Variants in PPP4R4 observed in about 807,000 individuals in gnomAD.
PPP4R4 encodes the protein serine/threonine-protein phosphatase 4 regulatory subunit 4.
Under a neutral mutation model 121.8 loss-of-function variants are expected in PPP4R4, and 70 were observed. That is an observed-to-expected ratio of 0.57 (90% CI 0.47 to 0.70). The LOEUF is 0.70. Ranked by LOEUF, PPP4R4 falls within the 30% of genes least tolerant of loss-of-function variation. The pLI, the probability that PPP4R4 is intolerant of heterozygous loss-of-function variation, is 0.00. For missense variants in PPP4R4, 875 were observed against 1,033.6 expected (o/e 0.85, Z 2.10); for synonymous variants, 348 against 355.7 (o/e 0.98, Z 0.24).
chr14:94,240,152 A>T (rs1028255024), intron 8 of PPP4R4, among the ~76,000 whole-genome samples: 2 of 152,206 alleles, frequency 1.3e-5, no homozygotes, highest in African/African-American at 4.8e-5. Flanking sequence ...CAAATAATTG[A>T]TTAATTTTTT....
Position 94,245,608 on chromosome 14 carries a change from C to A in PPP4R4, c.1366C>A (p.His456Asn). 1.3e-6 allele frequency: 2 copies of A among 1,592,838 alleles called. No individual in the cohort carries two copies. Among genetic ancestry groups the A allele is most frequent in the Non-Finnish European group, 1.7e-6 (2 of 1,163,022 alleles). ...AAAGGTACTAGATGCTCTTATAGAT[C>A]ATCTTCCAGAAATCTTGGAACTTAT... is the stretch of plus-strand genomic sequence containing the variant. ...SLEVLDALID[H>N]LPEILELMST... Residue 456 changes from histidine (H) to asparagine (N), a missense_variant, in exon 13 of 25, where the codon CAT becomes AAT. Coordinates refer to ENST00000304338, the MANE Select transcript of PPP4R4 (RefSeq NM_058237.2).
chr14:94,250,365 G>A (rs530987454), intron 15 of PPP4R4, 88 bp downstream of exon 15: 36 of 842,302 alleles, frequency 4.3e-5, no homozygotes, highest in Middle Eastern at 6.6e-4. Context: ...TCATTTTGCT[G>A]TGAATAATTA....
chr14:94,199,064 C>A (rs987446218), intron 2 of PPP4R4, among the ~76,000 whole-genome samples: 15 of 152,130 alleles, frequency 9.9e-5, no homozygotes, highest in African/African-American at 3.6e-4. Flanking sequence ...CTGCAGAAAG[C>A]CTACTGGGTT....
At chr14:94,240,567 C>T in intron 8 of PPP4R4, 106 bp from the exon 9 acceptor site, 2 of 1,216,348 alleles carry the variant, frequency 1.6e-6, no homozygotes, top group Non-Finnish European at 2.3e-6. Flanking sequence ...TACTATGAGG[C>T]TAACATAGTA....
Position 94,246,492 on chromosome 14 carries a change from A to G in PPP4R4, c.1564A>G (p.Ile522Val). The change falls in exon 14 of 25, where the codon ATT (isoleucine) becomes GTT (valine). Residue 522 changes from isoleucine to valine, a missense_variant. Physicochemically the swap from Ile to Val is conservative, Grantham distance 29 (BLOSUM62 3). Coordinates refer to ENST00000304338, the MANE Select transcript of PPP4R4 (RefSeq NM_058237.2). ...CLPHVISSDQIYYRFLQRMFT... is the reference protein window; with the variant it reads ...CLPHVISSDQVYYRFLQRMFT... ...GCCACATGTCATATCAAGCGATCAG[A>G]TTTATTACCGTTTCTTACAAAGAAT... 2 of 1,614,038 alleles carry G rather than the reference A, an allele frequency of 1.2e-6. No homozygotes were observed. The highest frequency in any genetic ancestry group is 1.7e-6 in the Non-Finnish European group (2 of 1,179,936).
At chr14:94,216,897 G>A (rs955008240) in intron 3 of PPP4R4, among the ~76,000 whole-genome samples, 1 of 152,156 alleles carries the variant, frequency 6.6e-6, no homozygotes, top group Admixed American at 6.5e-5. Flanking sequence ...GGGGCTGGGT[G>A]TGGAAGGCAG....
At chr14:94,238,028 A>G (rs913255987) in intron 8 of PPP4R4, among the ~76,000 whole-genome samples, 3 of 152,238 alleles carry the variant, frequency 2.0e-5, no homozygotes, top group Non-Finnish European at 4.4e-5. Context: ...AATCTGGCAG[A>G]GAAGTGGAAG....
intron 2 of PPP4R4, among the ~76,000 whole-genome samples, chr14:94,201,062 A>G (rs1376060168): frequency 6.6e-6 from 1 of 152,128 alleles, no homozygotes. Context: ...TTTAATTTCC[A>G]TCTTGATTTC....
chr14:94,266,843 C>T (rs1229458522), intron 22 of PPP4R4, 116 bp from the exon 23 acceptor site: 5 of 667,990 alleles, frequency 7.5e-6, no homozygotes, highest in East Asian at 3.0e-5. Context: ...AAGCAACAAA[C>T]GTTTCATAAG....
At chr14:94,229,814 C>T (rs538177434) in intron 3 of PPP4R4, among the ~76,000 whole-genome samples, 8 of 152,136 alleles carry the variant, frequency 5.3e-5, no homozygotes, top group African/African-American at 1.9e-4. Context: ...CTTCTTGTTG[C>T]CTTTACATTA....
chr14:94,207,764 A>G (rs1359020829), intron 2 of PPP4R4, among the ~76,000 whole-genome samples: 2 of 151,818 alleles, frequency 1.3e-5, no homozygotes, highest in Non-Finnish European at 2.9e-5. Context: ...CACTTTGGTT[A>G]TATTTGAAAA....
chr14:94,229,882 T>C (rs2049962646), intron 3 of PPP4R4, among the ~76,000 whole-genome samples: 2 of 152,156 alleles, frequency 1.3e-5, no homozygotes, highest in Admixed American at 1.3e-4. Context: ...AGAAGTACAG[T>C]AATATCTTTG....
chr14:94,215,264 A>T (rs1324334850), intron 3 of PPP4R4, among the ~76,000 whole-genome samples: 1 of 152,212 alleles, frequency 6.6e-6, no homozygotes, highest in East Asian at 1.9e-4. Context: ...TGAATATTTT[A>T]TTGGGAGATT....
At chr14:94,237,515 G>C (rs1372868473) in intron 7 of PPP4R4, 50 bp from the exon 8 acceptor site, 1 of 1,547,632 alleles carries the variant, frequency 6.5e-7, no homozygotes, top group South Asian at 1.2e-5. Context: ...GTAAGTTCCT[G>C]CTACACATTT....
intron 1 of PPP4R4, chr14:94,175,832 C>G (rs1888650140): frequency 5.4e-6 from 3 of 554,484 alleles, no homozygotes; most frequent in Non-Finnish European, 3.2e-6. Context: ...AGGATAAAAA[C>G]AGAAAAATAC....
At chr14:94,256,787 G>A (rs940682812) in intron 17 of PPP4R4, among the ~76,000 whole-genome samples, 183 bp downstream of exon 17, 1 of 152,070 alleles carries the variant, frequency 6.6e-6, no homozygotes, top group Non-Finnish European at 1.5e-5. Context: ...CTTTCGAAGG[G>A]CACCTAGACA....
Position 94,208,537 on chromosome 14 carries a change from A to T in PPP4R4, c.265A>T (p.Thr89Ser). The change falls in exon 3 of 25, where the codon ACG (threonine) becomes TCG (serine). Residue 89 changes from threonine (T) to serine (S), a missense_variant. Thr to Ser is a moderately conservative substitution (Grantham distance 58, BLOSUM62 1). Coordinates refer to ENST00000304338, the MANE Select transcript of PPP4R4 (RefSeq NM_058237.2). ...TTTGATGCGACAGAATCCCACTGAG[A>T]CGCTTCGGAGAGTGTTGCCAAAAGT... ...PFLMRQNPTE[T>S]LRRVLPKVRE... The T allele has an allele frequency of 1.9e-6, 3 of 1,611,242 alleles. No homozygotes were observed. The highest frequency in any genetic ancestry group is 2.5e-6 in the Non-Finnish European group (3 of 1,177,914).
intron 18 of PPP4R4, among the ~76,000 whole-genome samples, chr14:94,259,051 A>C (rs775161751): frequency 9.9e-5 from 15 of 152,126 alleles, no homozygotes; most frequent in Non-Finnish European, 2.9e-5. Flanking sequence ...TCCCCCTTAC[A>C]ATACCATCAG....
intron 3 of PPP4R4, among the ~76,000 whole-genome samples, chr14:94,226,100 A>G (rs1891682825): frequency 1.3e-5 from 2 of 152,198 alleles, no homozygotes; most frequent in Admixed American, 1.3e-4. Context: ...TTTTAAGCCT[A>G]AATTATGAAA....
Sources: gnomAD v4.1 joint callset for allele counts (sites outside exome capture counted in the v4.1 genomes callset) on GRCh38, gnomAD v4.1.1 for gene constraint, MANE v1.5 for transcripts, NCBI Gene and HGNC (gene_info 2026-07-23, HGNC 2026-07-21) for gene names.